Variants in FBL observed in about 807,000 individuals in gnomAD.
FBL encodes rRNA 2'-O-methyltransferase fibrillarin.
Under a neutral mutation model 42.2 loss-of-function variants are expected in FBL, and 10 were observed. The ratio of observed to expected loss-of-function variants is 0.24; its 90% CI spans 0.15 to 0.40. The LOEUF (loss-of-function observed/expected upper bound fraction) is 0.40, where lower values mean the gene tolerates loss of function less well. FBL is among the 10% of genes least tolerant of loss of function. The pLI, the probability that FBL is intolerant of heterozygous loss-of-function variation, is 1.00. For missense variants in FBL, 351 were observed against 439.2 expected, an observed-to-expected ratio of 0.80 and a Z score of 1.79; for synonymous variants, 165 against 165.4, an observed-to-expected ratio of 1.00 and a Z score of 0.02.
intron 4 of FBL, among the ~76,000 whole-genome samples, chr19:39,839,683 A>G (rs1568540852): frequency 6.6e-6 from 1 of 151,768 alleles, no homozygotes; most frequent in East Asian, 2.0e-4. Context: ...GAGGGGCTGA[A>G]AGGCAGATTC....
chr19:39,835,539 AAAAT>A (rs1001799950), intron 7 of FBL, among the ~76,000 whole-genome samples: 1 of 152,258 alleles, frequency 6.6e-6, no homozygotes, highest in Non-Finnish European at 1.5e-5. Context: ...AATAAAAATA[AAAAT>A]AAATAAATTA....
chr19:39,836,593 A>T lies in FBL; in HGVS notation c.758T>A (p.Phe253Tyr), dbSNP rs1969053734. ...CACAAAGTGTCCTCCATTACGCAGGAAGGTGTGGGCATTCAGGGCCACAAT... is the reference window on the plus strand; with the variant it reads ...CACAAAGTGTCCTCCATTACGCAGGTAGGTGTGGGCATTCAGGGCCACAAT... ...TRIVALNAHT[F>Y]LRNGGHFVIS... Residue 253 changes from phenylalanine to tyrosine, a missense_variant, in exon 7 of 9, where the codon TTC (phenylalanine) becomes TAC (tyrosine). By Grantham distance (22) the Phe-to-Tyr change is conservative. Coordinates refer to ENST00000221801, the MANE Select transcript of FBL (RefSeq NM_001436.4). 1 of 1,614,142 alleles carries T rather than the reference A, an allele frequency of 6.2e-7. No individual in the cohort carries two copies. Among genetic ancestry groups the T allele is most frequent in the Non-Finnish European group, 8.5e-7 (1 of 1,179,948 alleles).
intron 7 of FBL, among the ~76,000 whole-genome samples, chr19:39,836,099 A>G (rs988305774): frequency 6.6e-6 from 1 of 152,086 alleles, no homozygotes; most frequent in African/African-American, 2.4e-5. Flanking sequence ...TAATAAAACA[A>G]ATGTAGCAAA....
intron 1 of FBL, among the ~76,000 whole-genome samples, chr19:39,844,350 G>A (rs1311013836): frequency 6.6e-6 from 1 of 151,850 alleles, no homozygotes; most frequent in Non-Finnish European, 1.5e-5. Context: ...TTCAATCCCA[G>A]ATACTCAAAA....
chr19:39,837,121 G>A (rs975329601), intron 6 of FBL, among the ~76,000 whole-genome samples: 8 of 152,138 alleles, frequency 5.3e-5, no homozygotes, highest in African/African-American at 1.7e-4. Context: ...AACACAGAAA[G>A]AAAAAGGAGC....
intron 1 of FBL, among the ~76,000 whole-genome samples, chr19:39,843,380 C>T (rs547567907): frequency 4.5e-4 from 69 of 152,284 alleles, no homozygotes; most frequent in African/African-American, 1.5e-3. Flanking sequence ...CCTCAAGTAT[C>T]GCATATGGAG....
intron 4 of FBL, 136 bp from the exon 5 acceptor site, chr19:39,839,341 C>T: frequency 1.5e-6 from 1 of 664,970 alleles, no homozygotes; most frequent in Non-Finnish European, 2.5e-6. Flanking sequence ...AGAGCAGTGA[C>T]CATGCACATG....
intron 1 of FBL, among the ~76,000 whole-genome samples, chr19:39,843,631 C>A (rs750391297): frequency 6.6e-6 from 1 of 152,084 alleles, no homozygotes; most frequent in Non-Finnish European, 1.5e-5. Flanking sequence ...ATTAGCTGGG[C>A]GTGGTGGCGC....
At chr19:39,845,363 T>A (rs2145069427) in intron 1 of FBL, among the ~76,000 whole-genome samples, 1 of 152,086 alleles carries the variant, frequency 6.6e-6, no homozygotes, top group Non-Finnish European at 1.5e-5. Context: ...ACTGTGCTAT[T>A]TTTTTTAACG....
At chr19:39,845,659 C>A (rs1275616133) in intron 1 of FBL, among the ~76,000 whole-genome samples, 1 of 152,204 alleles carries the variant, frequency 6.6e-6, no homozygotes, top group African/African-American at 2.4e-5. Context: ...AAGTCTCGTC[C>A]CGGAGGTGGA....
chr19:39,835,850 T>C (rs1415978472), intron 7 of FBL, among the ~76,000 whole-genome samples: 3 of 151,888 alleles, frequency 2.0e-5, no homozygotes, highest in African/African-American at 7.3e-5. Flanking sequence ...TGCTTGAACC[T>C]GGGAGGCAGA....
chr19:39,842,680 C>T (rs1352840523), intron 1 of FBL, among the ~76,000 whole-genome samples: 1 of 152,154 alleles, frequency 6.6e-6, no homozygotes, highest in Non-Finnish European at 1.5e-5. Context: ...TCCACCACAT[C>T]CAAAATGAAA....
intron 6 of FBL, 33 bp downstream of exon 6, chr19:39,837,678 C>G: frequency 2.0e-6 from 3 of 1,532,888 alleles, no homozygotes; most frequent in Non-Finnish European, 2.6e-6. Flanking sequence ...GTGGCCTGTC[C>G]TACCCCACCG....
At chr19:39,841,060 A>G (rs1291611109) in intron 1 of FBL, among the ~76,000 whole-genome samples, 2 of 152,198 alleles carry the variant, frequency 1.3e-5, no homozygotes, top group African/African-American at 4.8e-5. Context: ...TAAAATCATA[A>G]TAATTTTTTT....
chr19:39,834,619 G>A (rs1174020439), intron 8 of FBL, 49 bp downstream of exon 8: 1 of 1,613,948 alleles, frequency 6.2e-7, no homozygotes, highest in Non-Finnish European at 8.5e-7. Flanking sequence ...CACTCGGGGT[G>A]CAAGGGACAG....
intron 1 of FBL, among the ~76,000 whole-genome samples, chr19:39,841,707 G>A (rs982376521): frequency 2.6e-5 from 4 of 152,352 alleles, no homozygotes; most frequent in Admixed American, 2.6e-4. Context: ...GATGATGTCA[G>A]CCCTAACTCA....
intron 1 of FBL, among the ~76,000 whole-genome samples, chr19:39,841,055 T>C (rs1457093861): frequency 6.6e-6 from 1 of 152,136 alleles, no homozygotes; most frequent in Non-Finnish European, 1.5e-5. Context: ...AATGTTAAAA[T>C]CATAATAATT....
chr19:39,835,514 T>C (rs964143278), intron 7 of FBL, among the ~76,000 whole-genome samples: 1 of 151,682 alleles, frequency 6.6e-6, no homozygotes, highest in Non-Finnish European at 1.5e-5. Context: ...TAAGACTCCA[T>C]CTCAAAAAAA....
chr19:39,845,732 C>A (rs552494868), intron 1 of FBL, among the ~76,000 whole-genome samples: 3 of 152,302 alleles, frequency 2.0e-5, no homozygotes, highest in South Asian at 4.1e-4. Context: ...GTGCAGAAGG[C>A]GGGAAAGTGA....
Sources: gnomAD v4.1 joint callset for allele counts (sites outside exome capture counted in the v4.1 genomes callset) on GRCh38, gnomAD v4.1.1 for gene constraint, MANE v1.5 for transcripts, NCBI Gene and HGNC (gene_info 2026-07-23, HGNC 2026-07-21) for gene names.